Variants in WNK4 observed in about 807,000 individuals in gnomAD.
WNK4 encodes WNK lysine deficient protein kinase 4.
WNK4 carries 94 observed loss-of-function variants against 116.2 expected under a neutral mutation model. The observed-to-expected ratio is 0.81, with a 90% confidence interval of 0.68 to 0.96. WNK4 has a LOEUF of 0.96. Among genes scored for constraint, WNK4 ranks in the 40% least tolerant of loss-of-function variants. The pLI, the probability that WNK4 is intolerant of heterozygous loss-of-function variation, is 0.00. For missense variants in WNK4, 1,542 were observed against 1,650.6 expected (o/e 0.93, Z 1.14); for synonymous variants, 655 against 672.7 (o/e 0.97, Z 0.41).
Position 42,787,482 on chromosome 17 carries a change from C to G in WNK4, c.1681C>G (p.Pro561Ala), listed in dbSNP as rs1166745711. Residue 561 changes from proline (P) to alanine (A), a missense_variant, in exon 7 of 19, where the codon CCA (proline) becomes GCA (alanine). Transcript: ENST00000246914. Reference protein sequence around the residue: ...PSVFPPEPEEPEADQHQPFLF... With the variant: ...PSVFPPEPEEAEADQHQPFLF... ...TGTCTTCCCCCCTGAGCCTGAGGAG[C>G]CAGAGGCAGACCAGCACCAGCCCTT... 2 of 1,489,506 alleles carry G rather than the reference C, an allele frequency of 1.3e-6. No homozygotes were observed. The highest frequency in any genetic ancestry group is 2.8e-5 in the African/African-American group (2 of 71,758). The allele number at this position is 1,489,506 out of a possible 1,614,324, so 92.3% of individuals were successfully genotyped here.
chr17:42,793,713 A>C lies in WNK4; in HGVS notation c.2279A>C (p.Asp760Ala). The C allele has an allele frequency of 6.2e-7, 1 of 1,614,074 alleles. No homozygotes were observed. ...ACTGGCCCCATGGAGGCTGCTGAAG[A>C]CACCCTAAGCCCCCAGGTCAGACCC... ...RDTGPMEAAE[D>A]TLSPQEEPAP... The change falls in exon 12 of 19, where the codon GAC becomes GCC. Residue 760 changes from aspartate to alanine, a missense_variant. Transcript: ENST00000246914.
chr17:42,781,109 G>A lies in WNK4; in HGVS notation c.411G>A (p.Arg137=). 6.2e-7 allele frequency: 1 copy of A among 1,613,772 alleles called. No homozygotes were observed. ...LPDSAVGPGS[R]EPLRVPEAVA... ...ACTCTGCAGTGGGCCCGGGGTCCAG[G>A]GAGCCGCTAAGGGTCCCTGAAGCTG... The change falls in exon 1 of 19, where the codon AGG becomes AGA. Residue 137 remains arginine, a synonymous_variant. Transcript: ENST00000246914.
chr17:42,780,988 G>A lies in WNK4; in HGVS notation c.290G>A (p.Ser97Asn), dbSNP rs1013906383. ...PDSAGPGPAR[S>N]PPPSSKEPPE... ...TCCGCTGGTCCTGGCCCCGCGAGGA[G>A]CCCACCGCCTAGCTCCAAAGAACCC... The change falls in exon 1 of 19, where the codon AGC becomes AAC. Residue 97 changes from serine to asparagine, a missense_variant. Ser to Asn is a conservative substitution (Grantham distance 46). Around this residue, in one of 7 missense-constraint regions of WNK4, gnomAD observed 243 missense variants for 217.8 expected, o/e 1.12. Coordinates refer to ENST00000246914, the MANE Select transcript of WNK4 (RefSeq NM_032387.5). 3 of 1,610,032 alleles carry A rather than the reference G, an allele frequency of 1.9e-6. No homozygotes were observed. The highest frequency in any genetic ancestry group is 2.5e-6 in the Non-Finnish European group (3 of 1,179,330).
chr17:42,780,813 C>A lies in WNK4; in HGVS notation c.115C>A (p.Pro39Thr), dbSNP rs1193267773. The A allele has an allele frequency of 2.5e-6, 4 of 1,602,120 alleles. No individual in the cohort carries two copies. Among genetic ancestry groups the A allele is most frequent in the Non-Finnish European group, 2.5e-6 (3 of 1,178,090 alleles). ...CGCGGGGCAGCCCCGCCTCGGGCCC[C>A]CTCCTCGCCGAGCGCGCCGCTTCTC... ...GTAGQPRLGP[P>T]PRRARRFSGK... Residue 39 changes from proline (P) to threonine (T), a missense_variant, in exon 1 of 19, where the codon CCT becomes ACT. Around this residue, in one of 7 missense-constraint regions of WNK4, gnomAD observed 243 missense variants for 217.8 expected, o/e 1.12. Coordinates refer to ENST00000246914, the MANE Select transcript of WNK4 (RefSeq NM_032387.5).
chr17:42,784,892 C>G lies in WNK4; in HGVS notation c.1171-205C>G, dbSNP rs771442194. 1.4e-5 allele frequency among the ~76,000 whole-genome samples: 2 copies of G among 142,460 alleles called. No homozygotes were observed. Among genetic ancestry groups the G allele is most frequent in the South Asian group, 2.1e-4 (1 of 4,690 alleles). The allele number at this position is 142,460 out of a possible 152,430, so 93.5% of individuals were successfully genotyped here. A position where few individuals can be genotyped will look rare whatever the true frequency, so the allele number is the denominator to read the frequency against. Reference sequence around the variant, plus strand: ...CTGCGATTTACAGATGAACAAACAGCGGGAGACTTGTTCAAGATCACACTG... The same window carrying G: ...CTGCGATTTACAGATGAACAAACAGGGGGAGACTTGTTCAAGATCACACTG... On this transcript the variant is annotated intron_variant, in intron 4 of 18. Transcript: ENST00000246914. This position sits in a 1 kb window ranked among gnomAD's most constrained non-coding sequence, Gnocchi z 4.4.
At chr17:42,785,538 G>A (rs1462487272) in intron 6 of WNK4, 56 bp downstream of exon 6, 1 of 1,546,830 alleles carries the variant, frequency 6.5e-7, no homozygotes, top group East Asian at 2.4e-5. Flanking sequence ...TTGACTCGAG[G>A]GGACAGTGCA....
intron 6 of WNK4, among the ~76,000 whole-genome samples, chr17:42,785,970 C>T (rs2054545466): frequency 2.0e-5 from 3 of 152,186 alleles, no homozygotes. Context: ...ACTATAAACT[C>T]CCTGAGGGCA....
chr17:42,787,796 G>A lies in WNK4; in HGVS notation c.1760G>A (p.Gly587Asp), dbSNP rs1051042573. 2.5e-6 allele frequency: 4 copies of A among 1,612,144 alleles called. No homozygotes were observed. In the African/African-American group the frequency reaches 5.3e-5, roughly 22 times the overall value. Residue 587 changes from glycine (G) to aspartate (D), a missense_variant, in exon 8 of 19, where the codon GGC (glycine) becomes GAC (aspartate). Coordinates refer to ENST00000246914, the MANE Select transcript of WNK4 (RefSeq NM_032387.5). ...SSTTSDCETD[G>D]YLSSSGFLDA... The stretch of plus-strand genomic sequence containing the variant: ...CAACCAGCGGATTGCGAGACTGATG[G>A]CTACCTCAGCTCCTCCGGCTTCCTG...
At chr17:42,791,476 T>TA (rs2054605275) in intron 11 of WNK4, among the ~76,000 whole-genome samples, 1 of 151,260 alleles carries the variant, frequency 6.6e-6, no homozygotes, top group South Asian at 2.1e-4. Flanking sequence ...CCGTCTCTAC[T>TA]AAAAAATACA....
chr17:42,787,630 T>C, intron 7 of WNK4, 88 bp downstream of exon 7: 1 of 1,592,888 alleles, frequency 6.3e-7, no homozygotes, highest in Non-Finnish European at 8.6e-7. Context: ...AGCAGTCACT[T>C]ACCCTGCCTT....
Position 42,793,634 on chromosome 17 carries a change from C to T in WNK4, c.2200C>T (p.Leu734Phe). The T allele has an allele frequency of 6.2e-7, 1 of 1,614,104 alleles. No individual in the cohort carries two copies. Among genetic ancestry groups the T allele is most frequent in the Non-Finnish European group, 8.5e-7 (1 of 1,180,012 alleles). ...TCTGCCTTCGGAGCGAGATGGATTT[C>T]TCAGACGGATTCGGGAGATTATCCA... Reference protein sequence around the residue: ...FILPSERDGFLRRIREIIQRV... With the variant: ...FILPSERDGFFRRIREIIQRV... Residue 734 changes from leucine (L) to phenylalanine (F), a missense_variant, in exon 12 of 19, where the codon CTC becomes TTC. Around this residue, in one of 7 missense-constraint regions of WNK4, gnomAD observed 808 missense variants for 873.6 expected, o/e 0.92. Coordinates refer to ENST00000246914, the MANE Select transcript of WNK4 (RefSeq NM_032387.5).
chr17:42,787,571 G>A (rs773135949), intron 7 of WNK4, 29 bp downstream of exon 7: 1 of 1,612,128 alleles, frequency 6.2e-7, no homozygotes, highest in Non-Finnish European at 8.5e-7. Flanking sequence ...TGAGACGTAG[G>A]TCCCAGAACA....
At position 42,784,060 on chromosome 17, in the gene WNK4, C is replaced by A. The variant is rs755199788; in HGVS notation, c.915C>A (p.Cys305Ter). The change falls in exon 3 of 19, where the codon TGC (cysteine) becomes TGA (stop). Residue 305 changes from cysteine to a stop codon, truncating the protein, a stop_gained. Transcript: ENST00000246914. LOFTEE classifies it high-confidence loss of function. This position sits in a 1 kb window ranked among gnomAD's most constrained non-coding sequence, Gnocchi z 4.4. ...VPPILHRDLK[C>*]DNVFITGPTG... ...CCATCCTGCACCGGGATCTCAAGTG[C>A]GACAATGTCTTTATCACGGGACCTA... 6 of 1,613,730 alleles carry A rather than the reference C, an allele frequency of 3.7e-6. No homozygotes were observed. The highest frequency in any genetic ancestry group is 4.2e-6 in the Non-Finnish European group (5 of 1,180,032).
chr17:42,786,993 G>A (rs1420135821), intron 6 of WNK4, among the ~76,000 whole-genome samples: 1 of 152,178 alleles, frequency 6.6e-6, no homozygotes, highest in Non-Finnish European at 1.5e-5. Context: ...TCTCTAGATA[G>A]TGCCAAACAT....
In WNK4 at chr17:42,787,854, G is replaced by T; in HGVS notation, c.1818G>T (p.Gly606=). 1.9e-6 allele frequency: 3 copies of T among 1,612,054 alleles called. No homozygotes were observed. Among genetic ancestry groups the T allele is most frequent in the South Asian group, 1.1e-5 (1 of 91,086 alleles). The change falls in exon 8 of 19, where the codon GGG becomes GGT. Residue 606 remains glycine, a synonymous_variant. Transcript: ENST00000246914. The stretch of plus-strand genomic sequence containing the variant: ...CAGACCCTGCCCTTCAGCCCCCTGG[G>T]GGGGTGCCATCCAGCCTGGCTGAGT... ...DASDPALQPP[G]GVPSSLAESH...
Position 42,784,733 on chromosome 17 carries a change from C to T in WNK4, c.1170+154C>T, listed in dbSNP as rs924680920. 2.6e-5 allele frequency among the ~76,000 whole-genome samples: 4 copies of T among 152,114 alleles called. No individual in the cohort carries two copies. Among genetic ancestry groups the T allele is most frequent in the Non-Finnish European group, 5.9e-5 (4 of 68,022 alleles). On this transcript the variant is annotated intron_variant, in intron 4 of 18. Coordinates refer to ENST00000246914, the MANE Select transcript of WNK4 (RefSeq NM_032387.5). This position sits in a 1 kb window ranked among gnomAD's most constrained non-coding sequence, Gnocchi z 4.4. ...CACAGAAGGATATTGAGTGCACACG[C>T]GCCCCCACCAGTACACGCTATTTAG...
rs148161064 is a variant in WNK4, at chr17:42,784,579, G to T, written c.1170G>T (p.Ser390=). 6.2e-7 allele frequency: 1 copy of T among 1,614,138 alleles called. No individual in the cohort carries two copies. Among genetic ancestry groups the T allele is most frequent in the Non-Finnish European group, 8.5e-7 (1 of 1,180,036 alleles). Residue 390 remains serine (S), a splice_region_variant and synonymous_variant, in exon 4 of 19, where the codon TCG becomes TCT. Transcript: ENST00000246914. This position sits in a 1 kb window ranked among gnomAD's most constrained non-coding sequence, Gnocchi z 4.4. ...NAAQIYRKVT[S]GRKPNSFHKV... ...CGCAAATCTACCGCAAGGTCACTTC[G>T]GTGAGAGGGATGGGGCTGGCGGGAA...
intron 12 of WNK4, chr17:42,794,082 C>T (rs2054635654): frequency 6.0e-6 from 2 of 334,502 alleles, no homozygotes; most frequent in South Asian, 4.9e-5. Flanking sequence ...TCTCGATCTC[C>T]TGACCTCGTG....
In WNK4 at chr17:42,793,716, C is replaced by A; in HGVS notation, c.2282C>A (p.Thr761Asn). The change falls in exon 12 of 19, where the codon ACC (threonine) becomes AAC (asparagine). Residue 761 changes from threonine (T) to asparagine (N), a missense_variant. Physicochemically the swap from Thr to Asn is moderately conservative, Grantham distance 65. Coordinates refer to ENST00000246914, the MANE Select transcript of WNK4 (RefSeq NM_032387.5). Reference protein sequence around the residue: ...DTGPMEAAEDTLSPQEEPAPL... With the variant: ...DTGPMEAAEDNLSPQEEPAPL... The stretch of plus-strand genomic sequence containing the variant: ...GGCCCCATGGAGGCTGCTGAAGACA[C>A]CCTAAGCCCCCAGGTCAGACCCCTT... The A allele has an allele frequency of 1.2e-6, 2 of 1,614,080 alleles. No homozygotes were observed. Among genetic ancestry groups the A allele is most frequent in the Non-Finnish European group, 1.7e-6 (2 of 1,179,950 alleles).
Sources: allele counts gnomAD v4.1 joint callset (sites outside exome capture counted in the v4.1 genomes callset), GRCh38; gene constraint gnomAD v4.1.1; regional missense constraint gnomAD v4.1.1; non-coding constraint Gnocchi (gnomAD v3.1); transcripts MANE v1.5; gene names NCBI Gene and HGNC (gene_info 2026-07-23, HGNC 2026-07-21).